Variants in PLEKHA8 observed in about 807,000 individuals in gnomAD.
PLEKHA8 encodes pleckstrin homology domain-containing family A member 8.
PLEKHA8 carries 36 observed loss-of-function variants against 68.2 expected under a neutral mutation model. The ratio of observed to expected loss-of-function variants is 0.53; its 90% CI spans 0.40 to 0.70. The LOEUF (loss-of-function observed/expected upper bound fraction) is 0.70, where lower values mean the gene tolerates loss of function less well. PLEKHA8 is among the 30% of genes least tolerant of loss of function. PLEKHA8 has a pLI of 0.00. For missense variants in PLEKHA8, 505 were observed against 615.4 expected (o/e 0.82, Z 1.90); for synonymous variants, 211 against 216.1 (o/e 0.98, Z 0.20).
intron 12 of PLEKHA8, among the ~76,000 whole-genome samples, chr7:30,089,657 G>A (rs1474591355): frequency 6.6e-6 from 1 of 152,120 alleles, no homozygotes; most frequent in African/African-American, 2.4e-5. Flanking sequence ...GTATGCTACA[G>A]CCAGAAAGGG....
At chr7:30,125,482 G>A (rs904608961) in intron 13 of PLEKHA8, among the ~76,000 whole-genome samples, 4 of 152,138 alleles carry the variant, frequency 2.6e-5, no homozygotes, top group African/African-American at 9.7e-5. Context: ...CAGTACCCTG[G>A]CTGTCCATGA....
exon 14 of PLEKHA8, chr7:30,129,312 C>G (rs1796834831): frequency 6.2e-7 from 1 of 1,612,592 alleles, no homozygotes; most frequent in Admixed American, 1.7e-5. Flanking sequence ...CATCATGGAC[C>G]ATGAGGCAAC....
At chr7:30,118,139 T>A in intron 13 of PLEKHA8, 1 of 948,964 alleles carries the variant, frequency 1.1e-6, no homozygotes, top group Non-Finnish European at 1.4e-6. Context: ...TGGGCCAGGA[T>A]GCCCAGCAAG....
At position 30,060,896 on chromosome 7, in the gene PLEKHA8, C is replaced by G; in HGVS notation, c.1052C>G (p.Pro351Arg). 1 of 1,613,048 alleles carries G rather than the reference C, an allele frequency of 6.2e-7. No homozygotes were observed. Among genetic ancestry groups the G allele is most frequent in the Non-Finnish European group, 8.5e-7 (1 of 1,179,548 alleles). ...TCTTTTCTTCTAGACAAACTTGGCC[C>G]TACAGTGTTTGCTCCTGTTAAGATG... The part of the protein sequence containing the change: ...AVVPVLDKLG[P>R]TVFAPVKMDL... The change falls in exon 10 of 14, where the codon CCT becomes CGT. Residue 351 changes from proline (P) to arginine (R), a missense_variant. Pro to Arg is a moderately radical substitution (Grantham distance 103). Transcript: ENST00000449726.
intron 13 of PLEKHA8, among the ~76,000 whole-genome samples, chr7:30,113,300 G>T: frequency 6.7e-6 from 1 of 148,258 alleles, no homozygotes. Context: ...GCCTAAAAAT[G>T]TCTTTTTTCT....
intron 11 of PLEKHA8, 102 bp from the exon 12 acceptor site, chr7:30,062,570 C>CTAAGATGTTACTGAAA: frequency 1.2e-6 from 1 of 819,728 alleles, no homozygotes; most frequent in African/African-American, 1.7e-5. Flanking sequence ...ACTGCTGTGC[C>CTAAGATGTTACTGAAA]TAAGATGTTA....
At chr7:30,129,196 G>T (rs1416106250) in intron 13 of PLEKHA8, 7 of 1,608,788 alleles carry the variant, frequency 4.4e-6, no homozygotes, top group African/African-American at 1.3e-5. Flanking sequence ...GGAAGTTGCT[G>T]GTTGGGACTA....
intron 13 of PLEKHA8, among the ~76,000 whole-genome samples, chr7:30,109,580 C>CT (rs1233116458): frequency 4.9e-5 from 4 of 81,544 alleles, no homozygotes; most frequent in African/African-American, 9.3e-5. Context: ...GAGTGAAACT[C>CT]TGTCTCAAAA....
intron 13 of PLEKHA8, among the ~76,000 whole-genome samples, chr7:30,100,918 G>T (rs973364602): frequency 1.3e-5 from 2 of 152,194 alleles, no homozygotes; most frequent in Non-Finnish European, 2.9e-5. Context: ...AGCTGGGCAT[G>T]GTGGCTCATG....
chr7:30,089,319 C>A, downstream of PLEKHA8, among the ~76,000 whole-genome samples: 1 of 152,072 alleles, frequency 6.6e-6, no homozygotes. Context: ...CACCCCAGCC[C>A]CTCTCACAAG....
rs2127999386 is a variant in PLEKHA8 at position 30,079,421 on chromosome 7, A to G, written c.*634A>G. ...CAGGCATGAAACCGTTGCTCTGAGA[A>G]GATTAATGGTGTGCCCTAGCCCCAA... On this transcript the variant is annotated 3_prime_UTR_variant, in exon 14 of 14. Transcript: ENST00000449726. 1.0e-6 allele frequency: 1 copy of G among 985,662 alleles called. No homozygotes were observed. Among genetic ancestry groups the G allele is most frequent in the Non-Finnish European group, 1.2e-6 (1 of 830,138 alleles). 61.1% of individuals were successfully genotyped at this position (985,662 alleles called of 1,614,324 possible).
At chr7:30,038,655 TAATG>T (rs1243775405) in intron 1 of PLEKHA8, among the ~76,000 whole-genome samples, 1 of 152,194 alleles carries the variant, frequency 6.6e-6, no homozygotes, top group Non-Finnish European at 1.5e-5. Context: ...GTTCGCCAAA[TAATG>T]AATTTTATTT....
At chr7:30,084,708 GTC>G, downstream of PLEKHA8, 1 of 849,058 alleles carries the variant, frequency 1.2e-6, no homozygotes, top group Non-Finnish European at 1.4e-6. Flanking sequence ...TCAATAAAAA[GTC>G]TCGTTTATGG....
At chr7:30,069,200 C>G in intron 12 of PLEKHA8, among the ~76,000 whole-genome samples, 1 of 152,224 alleles carries the variant, frequency 6.6e-6, no homozygotes, top group East Asian at 1.9e-4. Flanking sequence ...CTGTTTCCCA[C>G]CAGCCTCCTG....
chr7:30,095,977 T>C (rs1459432200), intron 13 of PLEKHA8, among the ~76,000 whole-genome samples: 4 of 152,148 alleles, frequency 2.6e-5, no homozygotes, highest in East Asian at 1.9e-4. Context: ...CAGCTTTGTT[T>C]TTTTGGCTTA....
chr7:30,046,340 T>G lies in PLEKHA8; in HGVS notation c.288T>G (p.Thr96=), dbSNP rs987028954. 1 of 1,611,990 alleles carries G rather than the reference T, an allele frequency of 6.2e-7. No homozygotes were observed. The highest frequency in any genetic ancestry group is 1.1e-5 in the South Asian group (1 of 90,706). ...VALGSAKACL[T]DSRTQKEKEF... ...TGGGATCAGCCAAGGCTTGCCTGAC[T>G]GACAGTAGGACCCAGAAGGAGAAAG... is the stretch of plus-strand genomic sequence containing the variant. The change falls in exon 3 of 14, where the codon ACT becomes ACG. Residue 96 remains threonine, a synonymous_variant. Coordinates refer to ENST00000449726, the MANE Select transcript of PLEKHA8 (RefSeq NM_001197026.2).
chr7:30,045,003 A>G lies in PLEKHA8; in HGVS notation c.41-82A>G, dbSNP rs559404309. On this transcript the variant is annotated intron_variant, in intron 1 of 13. Coordinates refer to ENST00000449726, the MANE Select transcript of PLEKHA8 (RefSeq NM_001197026.2). ...CTCCTTGGAGCTAACCCAGTATCCTATGTTAGGCTCTATTTCTGTATCTTG... is the reference window on the plus strand; with the variant it reads ...CTCCTTGGAGCTAACCCAGTATCCTGTGTTAGGCTCTATTTCTGTATCTTG... The G allele has an allele frequency of 6.5e-6, 6 of 918,332 alleles. No homozygotes were observed. In the Admixed American group the frequency reaches 9.3e-5, roughly 14 times the overall value. 56.9% of individuals were successfully genotyped at this position (918,332 alleles called of 1,614,324 possible).
At chr7:30,087,522 T>C (rs545104189), downstream of PLEKHA8, among the ~76,000 whole-genome samples, 16 of 152,144 alleles carry the variant, frequency 1.1e-4, no homozygotes, top group Admixed American at 5.2e-4. Flanking sequence ...TCACCATTGT[T>C]CTAGTCTCTC....
intron 13 of PLEKHA8, among the ~76,000 whole-genome samples, chr7:30,126,756 GAGA>G (rs1328742125): frequency 4.6e-5 from 7 of 152,230 alleles, no homozygotes; most frequent in African/African-American, 1.4e-4. Flanking sequence ...GCAGGCTAGA[GAGA>G]AGAACTTATG....
Sources: allele counts gnomAD v4.1 joint callset (sites outside exome capture counted in the v4.1 genomes callset), GRCh38; gene constraint gnomAD v4.1.1; transcripts MANE v1.5; gene names NCBI Gene and HGNC (gene_info 2026-07-23, HGNC 2026-07-21).